The following CNTN5 variants were observed in gnomAD, a reference collection of about 807,000 sequenced individuals.
The protein encoded by CNTN5 is contactin 5, also known as contactin-5.
Under a neutral mutation model 129.1 loss-of-function variants are expected in CNTN5, and 77 were observed. The observed-to-expected ratio is 0.60, with a 90% confidence interval of 0.50 to 0.72. The LOEUF (loss-of-function observed/expected upper bound fraction) is 0.72. CNTN5 is among the 30% of genes least tolerant of loss of function. The pLI, the probability that CNTN5 is intolerant of heterozygous loss-of-function variation, is 0.00. For synonymous variants in CNTN5, 509 were observed against 465.6 expected (o/e 1.09, Z -1.20); for missense variants, 1,478 against 1,328.8 (o/e 1.11, Z -1.75).
At chr11:99,324,255 G>C (rs1865690971) in intron 1 of CNTN5, among the ~76,000 whole-genome samples, 1 of 152,078 alleles carries the variant, frequency 6.6e-6, no homozygotes, top group Admixed American at 6.5e-5. Context: ...TGGACTCTTG[G>C]TAGTATTTTA....
At chr11:100,175,785 A>G (rs958169772) in intron 13 of CNTN5, among the ~76,000 whole-genome samples, 3 of 152,164 alleles carry the variant, frequency 2.0e-5, no homozygotes, top group African/African-American at 7.2e-5. Flanking sequence ...GCATTACATG[A>G]AACAAAGTTG....
chr11:99,892,725 T>C (rs576091005), intron 6 of CNTN5, among the ~76,000 whole-genome samples: 123 of 152,332 alleles, frequency 8.1e-4, no homozygotes, highest in African/African-American at 2.7e-3. Context: ...TTTTTGTTAC[T>C]GTAGCCTTGT....
intron 8 of CNTN5, among the ~76,000 whole-genome samples, chr11:99,997,998 C>T (rs6590496): frequency 0.3 from 45,130 of 151,936 alleles, 7,147 homozygotes; most frequent in African/African-American, 0.39. Context: ...ATTGATGGGA[C>T]GTATCTCAAA....
chr11:100,302,415 T>C (rs1275916076), intron 20 of CNTN5, among the ~76,000 whole-genome samples: 1 of 151,600 alleles, frequency 6.6e-6, no homozygotes, highest in East Asian at 1.9e-4. Context: ...CAAATCCTGC[T>C]TCCTTATTCT....
chr11:99,340,902 C>G (rs544065410), intron 2 of CNTN5, among the ~76,000 whole-genome samples: 34 of 152,200 alleles, frequency 2.2e-4, no homozygotes, highest in African/African-American at 7.9e-4. Context: ...TTTCAGGCTG[C>G]TAACTGTCAA....
chr11:99,043,535 C>G (rs1864091322), intron 1 of CNTN5, among the ~76,000 whole-genome samples: 1 of 152,142 alleles, frequency 6.6e-6, no homozygotes, highest in African/African-American at 2.4e-5. Flanking sequence ...TGAGGAATGG[C>G]TATTTGCCAT....
chr11:99,084,514 G>A (rs1279077444), intron 1 of CNTN5, among the ~76,000 whole-genome samples: 1 of 152,164 alleles, frequency 6.6e-6, no homozygotes, highest in Non-Finnish European at 1.5e-5. Context: ...CCAGTGTACT[G>A]TTAAATACTT....
At chr11:99,956,077 G>C (rs1482235787) in intron 7 of CNTN5, among the ~76,000 whole-genome samples, 1 of 151,208 alleles carries the variant, frequency 6.6e-6, no homozygotes, top group Non-Finnish European at 1.5e-5. Flanking sequence ...AGTTAGGCTG[G>C]GATGATAACA....
chr11:99,667,296 A>G (rs1952831643), intron 3 of CNTN5, among the ~76,000 whole-genome samples: 1 of 81,214 alleles, frequency 1.2e-5, no homozygotes. Context: ...TTCTAAAGCA[A>G]TTAATAAATT....
chr11:99,521,477 T>A (rs1947273895), intron 2 of CNTN5, among the ~76,000 whole-genome samples: 1 of 152,226 alleles, frequency 6.6e-6, no homozygotes, highest in Admixed American at 6.5e-5. Flanking sequence ...TAATTGTATT[T>A]ATCATTTTCA....
intron 13 of CNTN5, among the ~76,000 whole-genome samples, chr11:100,180,488 C>A (rs1948107842): frequency 6.6e-6 from 1 of 151,932 alleles, no homozygotes; most frequent in African/African-American, 2.4e-5. Flanking sequence ...CAAAATGAAT[C>A]AGAGACTTAA....
At chr11:99,844,716 C>T (rs537482224) in intron 4 of CNTN5, 136 bp from the exon 5 acceptor site, 25 of 736,228 alleles carry the variant, frequency 3.4e-5, no homozygotes, top group Non-Finnish European at 5.1e-5. Context: ...TCTAGCTATT[C>T]CTTCTTTTGG....
chr11:99,329,916 C>G (rs1865932236), intron 2 of CNTN5, among the ~76,000 whole-genome samples: 1 of 3,516 alleles, frequency 2.8e-4, no homozygotes, highest in Admixed American at 3.8e-3. Context: ...CAAGCAGTGA[C>G]ACACACACAC....
At chr11:99,761,557 T>C (rs530963879) in intron 3 of CNTN5, among the ~76,000 whole-genome samples, 118 of 152,010 alleles carry the variant, frequency 7.8e-4, no homozygotes, top group African/African-American at 2.7e-3. Flanking sequence ...AGAATGATGA[T>C]TTCCAATTTC....
At chr11:99,443,774 T>G (rs1330948583) in intron 2 of CNTN5, among the ~76,000 whole-genome samples, 1 of 152,172 alleles carries the variant, frequency 6.6e-6, no homozygotes, top group Admixed American at 6.5e-5. Flanking sequence ...TTAAAATACT[T>G]GTTTATGGGT....
chr11:99,499,660 T>G (rs1205622795), intron 2 of CNTN5, among the ~76,000 whole-genome samples: 2 of 152,242 alleles, frequency 1.3e-5, no homozygotes, highest in East Asian at 3.8e-4. Flanking sequence ...CACGAGTTGT[T>G]GACAAAAATT....
intron 2 of CNTN5, among the ~76,000 whole-genome samples, chr11:99,509,594 T>A (rs1455492133): frequency 6.6e-6 from 1 of 152,116 alleles, no homozygotes; most frequent in East Asian, 1.9e-4. Flanking sequence ...TACAACAAAA[T>A]AAGTGATTGA....
At chr11:100,036,091 A>G (rs1591098218) in intron 9 of CNTN5, among the ~76,000 whole-genome samples, 1 of 152,120 alleles carries the variant, frequency 6.6e-6, no homozygotes, top group South Asian at 2.1e-4. Context: ...TAGGGTTTTT[A>G]TGGTTTCAGC....
intron 3 of CNTN5, among the ~76,000 whole-genome samples, chr11:99,683,582 GTTC>G (rs1242263179): frequency 2.6e-5 from 4 of 151,872 alleles, no homozygotes; most frequent in South Asian, 4.1e-4. Flanking sequence ...TTTCCAAAAT[GTTC>G]TTCTTCAAAA....
Sources: allele counts gnomAD v4.1 joint callset (sites outside exome capture counted in the v4.1 genomes callset), GRCh38; gene constraint gnomAD v4.1.1; transcripts MANE v1.5; gene names NCBI Gene and HGNC (gene_info 2026-07-23, HGNC 2026-07-21).